MDGA2: variants seen among roughly 807,000 people sequenced by gnomAD.
MDGA2 encodes MAM domain containing glycosylphosphatidylinositol anchor 2.
Under a neutral mutation model 117.8 loss-of-function variants are expected in MDGA2, and 40 were observed. The ratio of observed to expected loss-of-function variants is 0.34; its 90% CI spans 0.26 to 0.44. The LOEUF is 0.44. MDGA2 is among the 20% of genes least tolerant of loss of function. The pLI is 1.00. For synonymous variants in MDGA2, 452 were observed against 439.0 expected, an observed-to-expected ratio of 1.03 and a Z score of -0.37; for missense variants, 1,123 against 1,250.6, an observed-to-expected ratio of 0.90 and a Z score of 1.54.
intron 1 of MDGA2, among the ~76,000 whole-genome samples, chr14:47,340,738 C>T (rs917846383): frequency 2.0e-5 from 3 of 152,136 alleles, no homozygotes; most frequent in African/African-American, 7.2e-5. Flanking sequence ...AATTAAGTTC[C>T]TCTTTTCTCA....
intron 8 of MDGA2, among the ~76,000 whole-genome samples, chr14:47,034,776 A>T (rs1168088790): frequency 6.6e-6 from 1 of 151,262 alleles, no homozygotes; most frequent in Non-Finnish European, 1.5e-5. Flanking sequence ...ACACTAAAAC[A>T]ACTCTTTCTA....
chr14:47,094,141 T>C (rs2138963017), intron 6 of MDGA2, among the ~76,000 whole-genome samples: 1 of 152,204 alleles, frequency 6.6e-6, no homozygotes, highest in Non-Finnish European at 1.5e-5. Flanking sequence ...TCTAGGATCC[T>C]TTAAAACCAA....
intron 1 of MDGA2, among the ~76,000 whole-genome samples, chr14:47,572,889 T>C (rs1191591942): frequency 6.6e-6 from 1 of 152,150 alleles, no homozygotes; most frequent in African/African-American, 2.4e-5. Flanking sequence ...ATGAAACAAA[T>C]TTACCCGACT....
chr14:47,603,478 T>C (rs933194842), intron 1 of MDGA2, among the ~76,000 whole-genome samples: 8 of 152,212 alleles, frequency 5.3e-5, no homozygotes, highest in African/African-American at 1.4e-4. Context: ...CAAAGTGCTA[T>C]GCCCGGTCAT....
chr14:47,560,511 A>ACCC (rs1895778958), intron 1 of MDGA2, among the ~76,000 whole-genome samples: 4 of 152,224 alleles, frequency 2.6e-5, no homozygotes, highest in Admixed American at 2.6e-4. Flanking sequence ...TTCTTTTGAA[A>ACCC]AGTGTCTGTT....
At chr14:47,502,932 G>T (rs1325592948) in intron 1 of MDGA2, among the ~76,000 whole-genome samples, 1 of 152,014 alleles carries the variant, frequency 6.6e-6, no homozygotes, top group Admixed American at 6.6e-5. Context: ...TCCTCCTCCT[G>T]CCTCCCAAAG....
rs186704184 is a variant in MDGA2, at chr14:47,615,398, T to C, written c.280+59119A>G. Among the ~76,000 whole-genome samples the C allele has an allele frequency of 3.6e-4, 55 of 152,322 alleles. 3 individuals are homozygous for C. Among genetic ancestry groups the C allele is most frequent in the African/African-American group, 1.3e-3 (52 of 41,576 alleles). The stretch of plus-strand genomic sequence containing the variant: ...TACAGATCAATGGCTATGTTAAGCA[T>C]TGAGGGACTGACCAAGATAAATGTA... On this transcript the variant is annotated intron_variant, in intron 1 of 16. Transcript: ENST00000399232.
At chr14:46,913,031 T>C (rs1001974824) in intron 10 of MDGA2, among the ~76,000 whole-genome samples, 1 of 152,122 alleles carries the variant, frequency 6.6e-6, no homozygotes, top group Non-Finnish European at 1.5e-5. Flanking sequence ...CTCATCTCTA[T>C]ATGTTTAATG....
chr14:47,358,444 A>G (rs1463328681), intron 1 of MDGA2, among the ~76,000 whole-genome samples: 3 of 152,196 alleles, frequency 2.0e-5, no homozygotes, highest in Non-Finnish European at 2.9e-5. Flanking sequence ...GGTATCAAAT[A>G]TAGTACTGAA....
intron 8 of MDGA2, among the ~76,000 whole-genome samples, chr14:46,965,620 C>G (rs1285326030): frequency 6.6e-6 from 1 of 152,146 alleles, no homozygotes; most frequent in Non-Finnish European, 1.5e-5. Context: ...TGGAAAATTT[C>G]TCCTGATAGA....
intron 5 of MDGA2, among the ~76,000 whole-genome samples, chr14:47,115,737 C>G (rs1207406627): frequency 6.6e-6 from 1 of 151,962 alleles, no homozygotes; most frequent in Non-Finnish European, 1.5e-5. Flanking sequence ...ATTCAGCACC[C>G]TTTCATGATA....
At chr14:47,601,566 C>T (rs1896648831) in intron 1 of MDGA2, among the ~76,000 whole-genome samples, 1 of 152,040 alleles carries the variant, frequency 6.6e-6, no homozygotes, top group Admixed American at 6.6e-5. Flanking sequence ...TTTCCTTTTC[C>T]ATTATTCAAC....
chr14:47,660,529 A>T (rs979603554), intron 1 of MDGA2, among the ~76,000 whole-genome samples: 1 of 152,232 alleles, frequency 6.6e-6, no homozygotes, highest in Non-Finnish European at 1.5e-5. Flanking sequence ...AGAGAAGGGC[A>T]GAGCTCGCAA....
chr14:46,904,105 T>C (rs137903197), intron 10 of MDGA2, among the ~76,000 whole-genome samples: 1,795 of 152,322 alleles, frequency 0.012, 19 homozygotes, highest in Middle Eastern at 0.068. Flanking sequence ...GGCTCATGCC[T>C]GTAATCCCAG....
chr14:47,306,835 GAAAGA>G (rs1256808741), intron 1 of MDGA2, among the ~76,000 whole-genome samples: 7 of 76,714 alleles, frequency 9.1e-5, no homozygotes, highest in Admixed American at 7.6e-4. Context: ...CAGAGAAAGA[GAAAGA>G]GGGAGAGAGA....
chr14:47,039,537 C>T (rs910962511), intron 7 of MDGA2, among the ~76,000 whole-genome samples: 2 of 152,268 alleles, frequency 1.3e-5, no homozygotes, highest in East Asian at 1.9e-4. Context: ...TCCAGGCTTC[C>T]TGCTGCCCTA....
chr14:46,865,856 G>A (rs1463279020), intron 14 of MDGA2, among the ~76,000 whole-genome samples: 2 of 151,396 alleles, frequency 1.3e-5, no homozygotes, highest in African/African-American at 4.8e-5. Context: ...ACCTCTTCAA[G>A]GAGAACTACA....
At chr14:47,256,001 A>C (rs1173251589) in intron 2 of MDGA2, among the ~76,000 whole-genome samples, 2 of 151,636 alleles carry the variant, frequency 1.3e-5, no homozygotes, top group African/African-American at 4.8e-5. Context: ...CACTCTCTAC[A>C]TTTAGTGGGA....
At chr14:47,444,320 C>T (rs529578988) in intron 1 of MDGA2, 44 of 158,088 alleles carry the variant, frequency 2.8e-4, no homozygotes, top group African/African-American at 8.4e-4. Flanking sequence ...GCTCTTTTCC[C>T]AGCTGTGTAA....
Sources: allele counts gnomAD v4.1 joint callset (sites outside exome capture counted in the v4.1 genomes callset), GRCh38; gene constraint gnomAD v4.1.1; transcripts MANE v1.5; gene names NCBI Gene and HGNC (gene_info 2026-07-23, HGNC 2026-07-21).